Variants in OR6N1 observed in about 807,000 individuals in gnomAD.
OR6N1 encodes the protein olfactory receptor 6N1.
For synonymous variants in OR6N1, 170 were observed against 150.7 expected, an observed-to-expected ratio of 1.13 and a Z score of -0.94; for missense variants, 394 against 371.7, an observed-to-expected ratio of 1.06 and a Z score of -0.49.
chr1:158,799,908 A>G, the OR6N1 span, among the ~76,000 whole-genome samples: 1 of 152,032 alleles, frequency 6.6e-6, no homozygotes, highest in African/African-American at 2.4e-5. Flanking sequence ...TCTATGACTC[A>G]TTGTATCTGC....
the OR6N1 span, among the ~76,000 whole-genome samples, chr1:158,817,140 T>C: frequency 5.9e-5 from 9 of 152,362 alleles, no homozygotes; most frequent in African/African-American, 9.6e-5. Context: ...CAGCTTATAG[T>C]TGCTGACATA....
chr1:158,830,433 T>C, the OR6N1 span, among the ~76,000 whole-genome samples: 1 of 152,216 alleles, frequency 6.6e-6, no homozygotes, highest in Admixed American at 6.5e-5. Context: ...TAGATGGCCT[T>C]GGATCATTTT....
chr1:158,777,290 T>C, the OR6N1 span: 2 of 1,614,048 alleles, frequency 1.2e-6, no homozygotes, highest in Non-Finnish European at 1.7e-6. Context: ...GCCATGGCTG[T>C]AAGAAGGTAG....
chr1:158,807,003 CAAAAAAAAAAA>C, the OR6N1 span, among the ~76,000 whole-genome samples: 7 of 72,916 alleles, frequency 9.6e-5, no homozygotes, highest in African/African-American at 3.3e-4. Flanking sequence ...GACGTCATCT[CAAAAAAAAAAA>C]AAAAAAAAAA....
At chr1:158,768,843 T>C (rs1657343279) in intron 1 of OR6N1, among the ~76,000 whole-genome samples, 1 of 152,232 alleles carries the variant, frequency 6.6e-6, no homozygotes, top group African/African-American at 2.4e-5. Context: ...CTCTACTTAA[T>C]TTTTAACTTT....
the OR6N1 span, among the ~76,000 whole-genome samples, chr1:158,836,053 C>A: frequency 1.3e-5 from 2 of 151,708 alleles, no homozygotes; most frequent in East Asian, 3.9e-4. Context: ...CATGGTGAGC[C>A]ATCATTGCAT....
the OR6N1 span, among the ~76,000 whole-genome samples, chr1:158,783,704 G>A: frequency 6.6e-6 from 1 of 151,966 alleles, no homozygotes; most frequent in Non-Finnish European, 1.5e-5. Flanking sequence ...TAATTTATAA[G>A]GTCAATGAAG....
the OR6N1 span, chr1:158,777,628 T>A: frequency 1.2e-6 from 2 of 1,608,574 alleles, no homozygotes; most frequent in Admixed American, 3.3e-5. Context: ...ATGGTTGTAT[T>A]GATCCATGGG....
chr1:158,787,025 T>C, the OR6N1 span, among the ~76,000 whole-genome samples: 2 of 152,134 alleles, frequency 1.3e-5, no homozygotes, highest in African/African-American at 2.4e-5. Flanking sequence ...GTAATGAGTT[T>C]GGATGTTGTC....
the OR6N1 span, chr1:158,808,582 A>C: frequency 1.3e-5 from 2 of 152,998 alleles, no homozygotes; most frequent in African/African-American, 4.8e-5. Flanking sequence ...TGAAGGCAGA[A>C]GCATAGAATA....
At chr1:158,772,884 G>A (rs1156803519), upstream of OR6N1, among the ~76,000 whole-genome samples, 1 of 152,120 alleles carries the variant, frequency 6.6e-6, no homozygotes, top group East Asian at 1.9e-4. Flanking sequence ...TATGTGAGGT[G>A]ATAAATATGT....
the OR6N1 span, among the ~76,000 whole-genome samples, chr1:158,786,844 G>A: frequency 1.3e-5 from 2 of 152,082 alleles, no homozygotes; most frequent in African/African-American, 4.8e-5. Context: ...ACTCAGGGGG[G>A]AAAAGGTGAG....
upstream of OR6N1, chr1:158,777,010 A>G (rs1657616500): frequency 6.2e-7 from 1 of 1,614,096 alleles, no homozygotes. Flanking sequence ...GAAGAAAGTG[A>G]TAAGAATTAT....
chr1:158,773,921 G>C (rs1037923839), upstream of OR6N1, among the ~76,000 whole-genome samples: 1 of 152,160 alleles, frequency 6.6e-6, no homozygotes, highest in Non-Finnish European at 1.5e-5. Flanking sequence ...TTAGCTTTGA[G>C]ATAGCCTGCC....
chr1:158,798,353 A>G, the OR6N1 span, among the ~76,000 whole-genome samples: 2 of 151,520 alleles, frequency 1.3e-5, no homozygotes, highest in East Asian at 3.9e-4. Context: ...TACTTTTTAA[A>G]TAATATTAAA....
At chr1:158,795,202 A>G in the OR6N1 span, among the ~76,000 whole-genome samples, 1 of 152,174 alleles carries the variant, frequency 6.6e-6, no homozygotes, top group African/African-American at 2.4e-5. Flanking sequence ...AATAAGCCCC[A>G]CTTAGCTCTC....
At chr1:158,772,972 A>T (rs1211797437), upstream of OR6N1, among the ~76,000 whole-genome samples, 1 of 152,198 alleles carries the variant, frequency 6.6e-6, no homozygotes, top group Non-Finnish European at 1.5e-5. Flanking sequence ...TCAGATAAAA[A>T]ATTTAAAAAG....
chr1:158,782,214 A>T, the OR6N1 span, among the ~76,000 whole-genome samples: 1 of 152,238 alleles, frequency 6.6e-6, no homozygotes, highest in East Asian at 1.9e-4. Flanking sequence ...GTGAGAATTA[A>T]GTAAGATTAA....
At chr1:158,838,808 A>G in the OR6N1 span, among the ~76,000 whole-genome samples, 1 of 152,260 alleles carries the variant, frequency 6.6e-6, no homozygotes, top group Non-Finnish European at 1.5e-5. Flanking sequence ...TGATAATTAC[A>G]CATGACCTGT....
Sources: allele counts gnomAD v4.1 joint callset (sites outside exome capture counted in the v4.1 genomes callset), GRCh38; gene constraint gnomAD v4.1.1; transcripts MANE v1.5; gene names NCBI Gene and HGNC (gene_info 2026-07-23, HGNC 2026-07-21).